Variants in KCNB2 observed in about 807,000 individuals in gnomAD.
The protein encoded by KCNB2 is delayed rectifier potassium channel protein.
Under a neutral mutation model 61.5 loss-of-function variants are expected in KCNB2, and 15 were observed. The ratio of observed to expected loss-of-function variants is 0.24; its 90% confidence interval spans 0.16 to 0.38. The LOEUF (loss-of-function observed/expected upper bound fraction) is 0.38. Among genes scored for constraint, KCNB2 ranks in the 10% least tolerant of loss-of-function variants. The pLI, the probability that KCNB2 is intolerant of heterozygous loss-of-function variation, is 1.00. For synonymous variants in KCNB2, 457 were observed against 446.0 expected (o/e 1.02, Z -0.31); for missense variants, 828 against 1,125.2 (o/e 0.74, Z 3.78).
At chr8:72,894,146 A>T (rs1805948387) in intron 2 of KCNB2, among the ~76,000 whole-genome samples, 1 of 152,194 alleles carries the variant, frequency 6.6e-6, no homozygotes, top group Admixed American at 6.5e-5. Flanking sequence ...GTAACCTGAG[A>T]TCCAAATGAC....
chr8:72,788,409 CTCT>C (rs910848298), intron 2 of KCNB2, among the ~76,000 whole-genome samples: 3 of 152,066 alleles, frequency 2.0e-5, no homozygotes, highest in African/African-American at 4.8e-5. Flanking sequence ...GTCCTGGGGT[CTCT>C]TCTTCTTACA....
chr8:72,866,279 C>T (rs1350050124), intron 2 of KCNB2, among the ~76,000 whole-genome samples: 3 of 152,194 alleles, frequency 2.0e-5, no homozygotes, highest in Non-Finnish European at 4.4e-5. Flanking sequence ...CCACTCAATA[C>T]TGAGAGCATT....
At chr8:72,934,768 T>C (rs1806867858) in intron 2 of KCNB2, among the ~76,000 whole-genome samples, 1 of 152,008 alleles carries the variant, frequency 6.6e-6, no homozygotes, top group African/African-American at 2.4e-5. Context: ...GGTTTCCTTC[T>C]CCACCAAGAA....
intron 2 of KCNB2, among the ~76,000 whole-genome samples, chr8:72,831,996 T>G (rs559150236): frequency 4.7e-4 from 72 of 152,290 alleles, no homozygotes; most frequent in African/African-American, 1.7e-3. Flanking sequence ...GCCATAAAGG[T>G]TAGGAAAAAG....
At chr8:72,711,728 G>A (rs1166196320) in intron 2 of KCNB2, among the ~76,000 whole-genome samples, 10 of 145,716 alleles carry the variant, frequency 6.9e-5, no homozygotes, top group Admixed American at 6.8e-5. Flanking sequence ...GGTGGCTTAC[G>A]CCTGTAATCC....
chr8:72,937,212 G>A lies in KCNB2; in HGVS notation c.1857G>A (p.Ser619=), dbSNP rs1004677730. 8 of 1,613,878 alleles carry A rather than the reference G, an allele frequency of 5.0e-6. No individual in the cohort carries two copies. The highest frequency in any genetic ancestry group is 2.7e-5 in the African/African-American group (2 of 74,902). ...CCGACTTCACAGAGACAGAGAGATC[G>A]CCGCTGCCGCCGCCCTCCGCCTCTC... The part of the protein sequence containing the change: ...CATDFTETER[S]PLPPPSASHL... Residue 619 remains serine (S), a synonymous_variant, in exon 3 of 3, where the codon TCG becomes TCA. Coordinates refer to ENST00000523207, the MANE Select transcript of KCNB2 (RefSeq NM_004770.3).
intron 2 of KCNB2, among the ~76,000 whole-genome samples, chr8:72,921,333 C>G (rs1034027176): frequency 1.3e-5 from 2 of 152,002 alleles, no homozygotes; most frequent in African/African-American, 4.8e-5. Context: ...GATTTATAAC[C>G]CACCAATGGA....
intron 2 of KCNB2, among the ~76,000 whole-genome samples, chr8:72,735,896 A>C (rs1046353765): frequency 2.0e-5 from 3 of 152,286 alleles, no homozygotes; most frequent in African/African-American, 7.2e-5. Flanking sequence ...TTCATCTTTC[A>C]TATAAATTAT....
At chr8:72,634,436 G>A (rs746979757) in intron 2 of KCNB2, among the ~76,000 whole-genome samples, 16 of 152,238 alleles carry the variant, frequency 1.1e-4, no homozygotes, top group African/African-American at 3.4e-4. Context: ...CCCAGATGAC[G>A]CAACCTCTGT....
chr8:72,854,808 G>T (rs117153656), intron 2 of KCNB2, among the ~76,000 whole-genome samples: 4,412 of 152,090 alleles, frequency 0.029, 95 homozygotes, highest in Non-Finnish European at 0.043. Flanking sequence ...TGGCAGGAGG[G>T]GACATGGTCA....
intron 2 of KCNB2, among the ~76,000 whole-genome samples, chr8:72,764,101 G>C (rs994113508): frequency 6.6e-5 from 10 of 152,088 alleles, no homozygotes; most frequent in African/African-American, 2.4e-4. Flanking sequence ...ATGATTTCAG[G>C]GGTGAAAGTG....
chr8:72,821,641 C>CAAAAAAAA (rs61090576), intron 2 of KCNB2, among the ~76,000 whole-genome samples: 4 of 125,750 alleles, frequency 3.2e-5, no homozygotes, highest in Non-Finnish European at 6.5e-5. Flanking sequence ...CAAAAAAAAA[C>CAAAAAAAA]AAAAAAAAAA....
At chr8:72,709,914 T>C (rs1303680694) in intron 2 of KCNB2, among the ~76,000 whole-genome samples, 1 of 152,194 alleles carries the variant, frequency 6.6e-6, no homozygotes, top group Admixed American at 6.5e-5. Context: ...TTCTTAGAGC[T>C]GAGTGGTTGC....
chr8:72,728,266 A>G (rs1289279623), intron 2 of KCNB2, among the ~76,000 whole-genome samples: 1 of 152,158 alleles, frequency 6.6e-6, no homozygotes, highest in African/African-American at 2.4e-5. Context: ...ATTCGGGTCA[A>G]ATATCTGTAT....
At chr8:72,829,672 C>T (rs1375636213) in intron 2 of KCNB2, among the ~76,000 whole-genome samples, 2 of 152,104 alleles carry the variant, frequency 1.3e-5, no homozygotes, top group Non-Finnish European at 2.9e-5. Context: ...GGAACTGCAG[C>T]CTGGGTTTGG....
intron 2 of KCNB2, among the ~76,000 whole-genome samples, chr8:72,743,557 A>G (rs1046705696): frequency 7.2e-5 from 11 of 152,226 alleles, no homozygotes; most frequent in African/African-American, 2.7e-4. Context: ...TAGGGTGTTG[A>G]ACAAATTCCA....
chr8:72,783,086 A>C (rs373760280), intron 2 of KCNB2, among the ~76,000 whole-genome samples: 1 of 152,188 alleles, frequency 6.6e-6, no homozygotes, highest in Non-Finnish European at 1.5e-5. Flanking sequence ...TGTTTTACAG[A>C]ACTGTTCACT....
At position 72,798,634 on chromosome 8, in the gene KCNB2, AC is replaced by A. The variant is rs199730688; in HGVS notation, c.580-137300del. Among the ~76,000 whole-genome samples the A allele has an allele frequency of 4.6e-3, 701 of 152,112 alleles. 27 individuals carry two copies. In the East Asian group the frequency reaches 0.088, roughly 19 times the overall value. On this transcript the variant is annotated intron_variant, in intron 2 of 2. Coordinates refer to ENST00000523207, the MANE Select transcript of KCNB2 (RefSeq NM_004770.3). ...AGTGGTGTCTTTTTGGTGGGAGAAA[AC>A]TTCCCCTGGCTCATTCCCACCTCCC...
intron 2 of KCNB2, among the ~76,000 whole-genome samples, chr8:72,640,656 A>G (rs531146063): frequency 3.3e-5 from 5 of 152,252 alleles, no homozygotes; most frequent in South Asian, 4.1e-4. Flanking sequence ...ATAGGAGACT[A>G]TAAGAAAGTC....
Sources: allele counts gnomAD v4.1 joint callset (sites outside exome capture counted in the v4.1 genomes callset), GRCh38; gene constraint gnomAD v4.1.1; transcripts MANE v1.5; gene names NCBI Gene and HGNC (gene_info 2026-07-23, HGNC 2026-07-21).